Variants in PTPRQ observed in about 807,000 individuals in gnomAD.
PTPRQ encodes the protein protein tyrosine phosphatase receptor type Q.
Under a neutral mutation model 246.0 loss-of-function variants are expected in PTPRQ, and 199 were observed. The ratio of observed to expected loss-of-function variants is 0.81; its 90% CI spans 0.72 to 0.91. The LOEUF (loss-of-function observed/expected upper bound fraction) is 0.91, where lower values mean the gene tolerates loss of function less well. Among genes scored for constraint, PTPRQ ranks in the 40% least tolerant of loss-of-function variants. The probability of loss-of-function intolerance (pLI) is 0.00; values close to 1 mark genes in which losing one functional copy is unlikely to be tolerated. For missense variants in PTPRQ, 2,624 were observed against 2,528.4 expected, an observed-to-expected ratio of 1.04 and a Z score of -0.81; for synonymous variants, 869 against 853.2, an observed-to-expected ratio of 1.02 and a Z score of -0.32.
intron 17 of PTPRQ, among the ~76,000 whole-genome samples, chr12:80,518,158 T>G (rs905226173): frequency 1.3e-5 from 2 of 152,160 alleles, no homozygotes; most frequent in African/African-American, 4.8e-5. Flanking sequence ...ATTGCCTGTC[T>G]TTTGGAGAAG....
intron 33 of PTPRQ, among the ~76,000 whole-genome samples, chr12:80,627,786 G>T (rs377453177): frequency 1.3e-5 from 2 of 152,040 alleles, no homozygotes; most frequent in Non-Finnish European, 2.9e-5. Context: ...TTAAGTAAAA[G>T]AATTCCATTT....
chr12:80,563,293 G>A (rs1006141094), intron 25 of PTPRQ, among the ~76,000 whole-genome samples: 2 of 151,990 alleles, frequency 1.3e-5, no homozygotes, highest in Non-Finnish European at 2.9e-5. Flanking sequence ...TTCTTGTTGT[G>A]TCCTCATATG....
Position 80,602,356 on chromosome 12 carries a change from C to A in PTPRQ, c.4610-2703C>A, listed in dbSNP as rs1055793133. Among the ~76,000 whole-genome samples the A allele has an allele frequency of 4.6e-5, 7 of 151,882 alleles. No homozygotes were observed. In the South Asian group the frequency reaches 1.5e-3, roughly 31 times the overall value. On this transcript the variant is annotated intron_variant, in intron 26 of 44. Coordinates refer to ENST00000644991, the MANE Select transcript of PTPRQ (RefSeq NM_001145026.2). ...ATTCTAAATATCAATTACTTATTCACAGTTTAAAGATTGTCACCACTATTA... is the reference window on the plus strand; with the variant it reads ...ATTCTAAATATCAATTACTTATTCAAAGTTTAAAGATTGTCACCACTATTA...
At chr12:80,534,527 T>C (rs1348083306) in intron 18 of PTPRQ, among the ~76,000 whole-genome samples, 1 of 152,060 alleles carries the variant, frequency 6.6e-6, no homozygotes, top group Non-Finnish European at 1.5e-5. Context: ...GAATCATTTG[T>C]CTATGACTTT....
At chr12:80,474,491 C>T (rs955056586) in intron 8 of PTPRQ, among the ~76,000 whole-genome samples, 9 of 152,106 alleles carry the variant, frequency 5.9e-5, no homozygotes, top group South Asian at 4.1e-4. Context: ...GGGGATGTTA[C>T]GGTCCATAGT....
At chr12:80,590,312 C>T (rs532166030) in intron 26 of PTPRQ, among the ~76,000 whole-genome samples, 1 of 152,238 alleles carries the variant, frequency 6.6e-6, no homozygotes, top group African/African-American at 2.4e-5. Flanking sequence ...CCTAACTAGC[C>T]TCCTACACTG....
At chr12:80,662,659 T>C (rs538308243) in intron 39 of PTPRQ, among the ~76,000 whole-genome samples, 13 of 152,018 alleles carry the variant, frequency 8.6e-5, no homozygotes, top group Non-Finnish European at 1.5e-4. Flanking sequence ...TTCATGGTAG[T>C]AGATTCTACA....
At chr12:80,590,275 T>C (rs746967584) in intron 26 of PTPRQ, among the ~76,000 whole-genome samples, 1 of 152,124 alleles carries the variant, frequency 6.6e-6, no homozygotes, top group Non-Finnish European at 1.5e-5. Context: ...TTAGTACAAC[T>C]CTTCATTACT....
At chr12:80,550,245 T>C (rs1312900888) in intron 25 of PTPRQ, among the ~76,000 whole-genome samples, 1 of 152,048 alleles carries the variant, frequency 6.6e-6, no homozygotes, top group Non-Finnish European at 1.5e-5. Context: ...TCACCTTCCC[T>C]AGCAGTGCTC....
intron 8 of PTPRQ, among the ~76,000 whole-genome samples, chr12:80,478,801 C>T (rs933282541): frequency 7.2e-5 from 11 of 151,978 alleles, no homozygotes; most frequent in East Asian, 3.9e-4. Flanking sequence ...GTGAATGAAA[C>T]GAAGCGAGAA....
rs1896169345 is a variant in PTPRQ, at chr12:80,542,032, CT to C, written c.3446-50del. On this transcript the variant is annotated intron_variant, in intron 21 of 44. Coordinates refer to ENST00000644991, the MANE Select transcript of PTPRQ (RefSeq NM_001145026.2). ...TCAAATCCCATTATGATTGAATCCT[CT>C]TTTTTTAATGCTGATTCACTTTTGT... The C allele has an allele frequency of 8.0e-6, 12 of 1,509,276 alleles. No individual in the cohort carries two copies. In the East Asian group the frequency reaches 3.0e-4, roughly 37 times the overall value. The allele number at this position is 1,509,276 out of a possible 1,614,324, so 93.5% of individuals were successfully genotyped here.
intron 27 of PTPRQ, among the ~76,000 whole-genome samples, chr12:80,608,997 A>C (rs1042772750): frequency 6.6e-6 from 1 of 150,682 alleles, no homozygotes; most frequent in African/African-American, 2.4e-5. Flanking sequence ...TTCCTGATCA[A>C]TAGGATTTCT....
rs1898892800 is a variant in PTPRQ at position 80,619,487 on chromosome 12, C to T, written c.5334C>T (p.Tyr1778=). ...TITIRMPICY[Y]SDDHGPIKNV... is the part of the protein sequence containing the mutation. ...CAATCAGAATGCCAATATGTTACTA[C>T]AGTGATGATCATGGACCAATAAAAA... Residue 1778 remains tyrosine (Y), a synonymous_variant, in exon 31 of 45, where the codon TAC becomes TAT. Coordinates refer to ENST00000644991, the MANE Select transcript of PTPRQ (RefSeq NM_001145026.2). 2 of 1,547,038 alleles carry T rather than the reference C, an allele frequency of 1.3e-6. No homozygotes were observed. The highest frequency in any genetic ancestry group is 1.4e-5 in the African/African-American group (1 of 72,804).
In PTPRQ at chr12:80,482,712, G is replaced by A. The variant is rs370005606; in HGVS notation, c.1187-1721G>A. ...CAAACAACCCCATCAAAAAGTGGGCGAAGGACATGAACAGACACTTCTCAA... is the reference window on the plus strand; with the variant it reads ...CAAACAACCCCATCAAAAAGTGGGCAAAGGACATGAACAGACACTTCTCAA... On this transcript the variant is annotated intron_variant, in intron 8 of 44. Transcript: ENST00000644991. Among the ~76,000 whole-genome samples the A allele has an allele frequency of 5.5e-3, 834 of 151,488 alleles. 55 individuals carry two copies. The East Asian group carries it at 0.13, about 24-fold the overall frequency.
chr12:80,535,135 GATAATT>G, intron 19 of PTPRQ, 98 bp downstream of exon 19: 1 of 1,175,316 alleles, frequency 8.5e-7, no homozygotes, highest in Non-Finnish European at 1.1e-6. Flanking sequence ...ACCTTACATT[GATAATT>G]AGGCACAGAT....
intron 43 of PTPRQ, among the ~76,000 whole-genome samples, chr12:80,674,671 A>G (rs1242064306): frequency 2.6e-5 from 4 of 152,228 alleles, no homozygotes; most frequent in African/African-American, 9.6e-5. Flanking sequence ...AAAGCATGAG[A>G]TAAATATTGA....
At chr12:80,670,924 C>G (rs184322060) in intron 42 of PTPRQ, among the ~76,000 whole-genome samples, 2 of 152,034 alleles carry the variant, frequency 1.3e-5, no homozygotes, top group East Asian at 3.9e-4. Flanking sequence ...ATACTTAATG[C>G]CACTGAATTG....
intron 17 of PTPRQ, among the ~76,000 whole-genome samples, chr12:80,523,994 A>C (rs1895599719): frequency 6.6e-6 from 1 of 152,070 alleles, no homozygotes; most frequent in South Asian, 2.1e-4. Flanking sequence ...ATTGTGTGGG[A>C]GTCTAAGTCT....
intron 17 of PTPRQ, among the ~76,000 whole-genome samples, chr12:80,524,235 C>T (rs4436608): frequency 0.53 from 80,738 of 152,024 alleles, 24,199 homozygotes; most frequent in Non-Finnish European, 0.67. Context: ...TCCTCCATCC[C>T]TTTATTTTGA....
Sources: allele counts gnomAD v4.1 joint callset (sites outside exome capture counted in the v4.1 genomes callset), GRCh38; gene constraint gnomAD v4.1.1; transcripts MANE v1.5; gene names NCBI Gene and HGNC (gene_info 2026-07-23, HGNC 2026-07-21).